EEFSEC: variants seen among roughly 807,000 people sequenced by gnomAD.
EEFSEC encodes the protein eukaryotic elongation factor, selenocysteine-tRNA specific, also known as selenocysteine-specific elongation factor.
Under a neutral mutation model 42.1 loss-of-function variants are expected in EEFSEC, and 43 were observed. That is an observed-to-expected ratio of 1.02 (90% CI 0.80 to 1.32). The LOEUF (loss-of-function observed/expected upper bound fraction) is 1.32. Ranked by LOEUF, EEFSEC falls within the 40% of genes most tolerant of loss-of-function variation. The pLI, the probability that EEFSEC is intolerant of heterozygous loss-of-function variation, is 0.00. For missense variants in EEFSEC, 745 were observed against 803.6 expected, an observed-to-expected ratio of 0.93 and a Z score of 0.88; for synonymous variants, 354 against 339.1, an observed-to-expected ratio of 1.04 and a Z score of -0.48.
intron 6 of EEFSEC, among the ~76,000 whole-genome samples, chr3:128,388,336 C>A (rs973861273): frequency 5.3e-5 from 8 of 152,228 alleles, no homozygotes; most frequent in African/African-American, 1.9e-4. Flanking sequence ...CCAGTGCTTC[C>A]TGACACCCCT....
intron 4 of EEFSEC, among the ~76,000 whole-genome samples, chr3:128,306,569 G>C (rs1450593804): frequency 1.3e-5 from 2 of 152,096 alleles, no homozygotes; most frequent in East Asian, 3.9e-4. Context: ...TTTTAGATGT[G>C]ATTCTTGTTT....
chr3:128,313,901 A>G (rs1223507498), intron 4 of EEFSEC, among the ~76,000 whole-genome samples: 1 of 152,224 alleles, frequency 6.6e-6, no homozygotes, highest in Non-Finnish European at 1.5e-5. Context: ...CCTCCTAGGC[A>G]GCCACTGCTG....
intron 6 of EEFSEC, among the ~76,000 whole-genome samples, chr3:128,372,395 C>T (rs2067664360): frequency 6.6e-6 from 1 of 152,212 alleles, no homozygotes; most frequent in Non-Finnish European, 1.5e-5. Context: ...GCCTAAAACC[C>T]TGAAGCCTTT....
chr3:128,371,564 A>G (rs2067654003), intron 6 of EEFSEC, among the ~76,000 whole-genome samples: 1 of 152,148 alleles, frequency 6.6e-6, no homozygotes, highest in Admixed American at 6.5e-5. Flanking sequence ...GCAGGGAGGA[A>G]CACAGTCAGA....
chr3:128,319,470 C>T (rs1576633962), intron 4 of EEFSEC, among the ~76,000 whole-genome samples: 1 of 152,106 alleles, frequency 6.6e-6, no homozygotes, highest in Admixed American at 6.6e-5. Flanking sequence ...ATTCATGGGC[C>T]GATTTTTATT....
intron 6 of EEFSEC, among the ~76,000 whole-genome samples, chr3:128,388,030 A>C (rs977638057): frequency 6.6e-6 from 1 of 152,202 alleles, no homozygotes; most frequent in East Asian, 1.9e-4. Flanking sequence ...AAGGAGGCCT[A>C]GTGGCCCAGC....
At chr3:128,264,984 C>G (rs2066338612) in intron 4 of EEFSEC, among the ~76,000 whole-genome samples, 1 of 152,184 alleles carries the variant, frequency 6.6e-6, no homozygotes, top group Non-Finnish European at 1.5e-5. Flanking sequence ...GCTGCTCTCC[C>G]TAATTCTCAT....
At chr3:128,285,215 C>T (rs1046394539) in intron 4 of EEFSEC, among the ~76,000 whole-genome samples, 1 of 152,068 alleles carries the variant, frequency 6.6e-6, no homozygotes, top group Non-Finnish European at 1.5e-5. Context: ...TTCTGGCTCA[C>T]ATGATGAGAT....
chr3:128,382,078 T>C (rs1030353305), intron 6 of EEFSEC, among the ~76,000 whole-genome samples: 2 of 152,196 alleles, frequency 1.3e-5, no homozygotes, highest in African/African-American at 4.8e-5. Context: ...CTCTCCTCTC[T>C]GAGTCTCCTG....
intron 1 of EEFSEC, among the ~76,000 whole-genome samples, chr3:128,165,153 C>T (rs1233909407): frequency 2.0e-5 from 3 of 152,134 alleles, no homozygotes; most frequent in Admixed American, 6.5e-5. Context: ...CAGCCAGTCT[C>T]CTAGGGAGGC....
chr3:128,416,634 T>C, the EEFSEC span, among the ~76,000 whole-genome samples: 2 of 152,052 alleles, frequency 1.3e-5, no homozygotes, highest in Non-Finnish European at 2.9e-5. Context: ...CAGGTGGGTG[T>C]GTCCTTGTGG....
chr3:128,249,977 T>G (rs895172908), intron 2 of EEFSEC, among the ~76,000 whole-genome samples: 5 of 152,230 alleles, frequency 3.3e-5, no homozygotes, highest in Non-Finnish European at 7.3e-5. Flanking sequence ...ATCATAGTTT[T>G]CATTTGCATT....
chr3:128,408,334 G>A lies in EEFSEC; in HGVS notation c.*75G>A, dbSNP rs988071834. ...GCTGTGCCAAATCCCAACCAGCCAC[G>A]CCTCAGCCTCTCCCAGTCTCTCCCT... On this transcript the variant is annotated 3_prime_UTR_variant, in exon 7 of 7. Coordinates refer to ENST00000254730, the MANE Select transcript of EEFSEC (RefSeq NM_021937.5). The A allele has an allele frequency of 4.4e-5, 63 of 1,422,728 alleles. No individual in the cohort carries two copies. The Admixed American group carries it at 1.1e-3, about 24-fold the overall frequency. The allele number at this position is 1,422,728 out of a possible 1,614,324, so 88.1% of individuals were successfully genotyped here.
intron 6 of EEFSEC, among the ~76,000 whole-genome samples, chr3:128,406,924 A>G (rs1000880237): frequency 1.2e-4 from 19 of 152,118 alleles, no homozygotes; most frequent in Admixed American, 1.0e-3. Flanking sequence ...TCATTTGTCA[A>G]TTTAAAAATG....
intron 1 of EEFSEC, among the ~76,000 whole-genome samples, chr3:128,189,036 G>T (rs138544217): frequency 4.6e-5 from 7 of 152,302 alleles, no homozygotes; most frequent in African/African-American, 1.4e-4. Flanking sequence ...CTTTACATGG[G>T]GGGGGCTCCC....
intron 1 of EEFSEC, among the ~76,000 whole-genome samples, chr3:128,158,849 A>G (rs921469664): frequency 5.3e-5 from 8 of 152,252 alleles, no homozygotes; most frequent in Admixed American, 1.3e-4. Flanking sequence ...AAAAAGTTTC[A>G]GCACTTGCCT....
At chr3:128,302,377 T>C (rs1030324388) in intron 4 of EEFSEC, among the ~76,000 whole-genome samples, 7 of 152,222 alleles carry the variant, frequency 4.6e-5, no homozygotes, top group Non-Finnish European at 8.8e-5. Flanking sequence ...AGAGCTGGGT[T>C]AGTGCCCCTT....
At chr3:128,295,499 T>C (rs1246404781) in intron 4 of EEFSEC, among the ~76,000 whole-genome samples, 1 of 131,778 alleles carries the variant, frequency 7.6e-6, no homozygotes, top group Non-Finnish European at 1.6e-5. Context: ...AGACCTAGTA[T>C]GATATGTGTG....
At chr3:128,276,795 G>T (rs1435257612) in intron 4 of EEFSEC, among the ~76,000 whole-genome samples, 1 of 152,164 alleles carries the variant, frequency 6.6e-6, no homozygotes, top group East Asian at 1.9e-4. Context: ...GGCCAAGAGA[G>T]CTCTCTTGGA....
Sources: gnomAD v4.1 joint callset for allele counts (sites outside exome capture counted in the v4.1 genomes callset) on GRCh38, gnomAD v4.1.1 for gene constraint, MANE v1.5 for transcripts, NCBI Gene and HGNC (gene_info 2026-07-23, HGNC 2026-07-21) for gene names.